DGKD: variants seen among roughly 807,000 people sequenced by gnomAD.
The protein encoded by DGKD is DAG kinase delta.
A neutral mutation model predicts 154.4 loss-of-function variants in DGKD; 68 were observed. That is an observed-to-expected ratio of 0.44 (90% confidence interval 0.36 to 0.54). The LOEUF is 0.54. DGKD is among the 20% of genes least tolerant of loss of function. The pLI, the probability that DGKD is intolerant of heterozygous loss-of-function variation, is 0.00. For synonymous variants in DGKD, 693 were observed against 638.0 expected, an observed-to-expected ratio of 1.09 and a Z score of -1.30; for missense variants, 1,343 against 1,593.6, an observed-to-expected ratio of 0.84 and a Z score of 2.68.
At chr2:233,411,696 T>A (rs1159920451) in intron 3 of DGKD, among the ~76,000 whole-genome samples, 2 of 152,202 alleles carry the variant, frequency 1.3e-5, no homozygotes, top group Non-Finnish European at 2.9e-5. Flanking sequence ...ATCAGTTTTT[T>A]AAATGGCTCA....
chr2:233,405,769 T>C (rs936559606), intron 3 of DGKD, among the ~76,000 whole-genome samples: 5 of 152,212 alleles, frequency 3.3e-5, no homozygotes, highest in Non-Finnish European at 7.3e-5. Context: ...TCTGTGGTAT[T>C]CTGTTACAGC....
Position 233,469,427 on chromosome 2 carries a change from G to T in DGKD, c.3612G>T (p.Glu1204Asp). ...HMKRILCGIK[E>D]LSRSAPAVEA The stretch of plus-strand genomic sequence containing the variant: ...AGAGGATCCTGTGTGGCATCAAGGA[G>T]CTGAGCCGCAGCGCCCCCGCCGTCG... The change falls in exon 30 of 30, where the codon GAG (glutamate) becomes GAT (aspartate). Residue 1204 changes from glutamate to aspartate, a missense_variant. Coordinates refer to ENST00000264057, the MANE Select transcript of DGKD (RefSeq NM_152879.3). The T allele has an allele frequency of 6.2e-7, 1 of 1,608,248 alleles. No homozygotes were observed. Among genetic ancestry groups the T allele is most frequent in the South Asian group, 1.1e-5 (1 of 89,950 alleles).
At chr2:233,380,645 T>C (rs540042446) in intron 1 of DGKD, among the ~76,000 whole-genome samples, 1 of 152,170 alleles carries the variant, frequency 6.6e-6, no homozygotes, top group South Asian at 2.1e-4. Context: ...AGAAACAAGG[T>C]CCTGTGAGCA....
intron 10 of DGKD, among the ~76,000 whole-genome samples, chr2:233,443,775 T>A (rs1179623061): frequency 1.3e-5 from 2 of 152,220 alleles, no homozygotes; most frequent in Non-Finnish European, 2.9e-5. Flanking sequence ...TTTTGTGTAT[T>A]ACTTGCAAGT....
chr2:233,466,974 A>T, intron 27 of DGKD, 112 bp from the exon 28 acceptor site: 1 of 795,346 alleles, frequency 1.3e-6, no homozygotes, highest in South Asian at 1.5e-5. Flanking sequence ...GGTCTTTCCC[A>T]GCTCCCGCTC....
chr2:233,391,631 CA>C (rs1417133433), intron 3 of DGKD, among the ~76,000 whole-genome samples: 2 of 152,074 alleles, frequency 1.3e-5, no homozygotes, highest in South Asian at 4.1e-4. Flanking sequence ...CCCATGTAGA[CA>C]AAAAGTGTGT....
chr2:233,425,146 T>C (rs1416463679), intron 3 of DGKD, among the ~76,000 whole-genome samples: 1 of 152,190 alleles, frequency 6.6e-6, no homozygotes, highest in Non-Finnish European at 1.5e-5. Context: ...TTAAAGCTTT[T>C]TTTTTTAATC....
At chr2:233,468,700 C>A in intron 29 of DGKD, 147 bp downstream of exon 29, 2 of 1,284,420 alleles carry the variant, frequency 1.6e-6, no homozygotes, top group Non-Finnish European at 1.1e-6. Flanking sequence ...GCGGCTGTGG[C>A]CCTCATCTAG....
chr2:233,387,318 TC>T (rs1231956118), intron 1 of DGKD, among the ~76,000 whole-genome samples: 1 of 152,208 alleles, frequency 6.6e-6, no homozygotes, highest in East Asian at 1.9e-4. Flanking sequence ...TTAGGAAGCC[TC>T]CCTCCATTTC....
At chr2:233,364,469 T>C (rs968752365) in intron 1 of DGKD, among the ~76,000 whole-genome samples, 1 of 152,176 alleles carries the variant, frequency 6.6e-6, no homozygotes, top group Non-Finnish European at 1.5e-5. Context: ...AGAATTAAAA[T>C]ACATGACAAC....
chr2:233,373,113 A>G (rs1410187555), intron 1 of DGKD, among the ~76,000 whole-genome samples: 1 of 152,330 alleles, frequency 6.6e-6, no homozygotes, highest in African/African-American at 2.4e-5. Context: ...TGGCTGCACC[A>G]GGTCACAAAG....
chr2:233,370,289 C>T (rs554990360), intron 1 of DGKD, among the ~76,000 whole-genome samples: 14 of 152,266 alleles, frequency 9.2e-5, no homozygotes, highest in African/African-American at 2.4e-4. Context: ...TCTCAGCTCA[C>T]TGCAATCTCT....
At chr2:233,390,330 G>A in intron 2 of DGKD, 73 bp from the exon 3 acceptor site, 2 of 1,108,780 alleles carry the variant, frequency 1.8e-6, no homozygotes, top group Non-Finnish European at 2.7e-6. Flanking sequence ...GGGGTGTGGT[G>A]GGCAGCGCTG....
Position 233,462,755 on chromosome 2 carries a change from A to C in DGKD, c.3186+20A>C. 6.2e-7 allele frequency: 1 copy of C among 1,604,528 alleles called. No individual in the cohort carries two copies. The highest frequency in any genetic ancestry group is 1.3e-5 in the African/African-American group (1 of 74,862). ...GCCCTGGTAAGCTGGTGCCCCAGGG[A>C]CAGCAGGGCTCGGGCTGTGTGTGAA... is the stretch of plus-strand genomic sequence containing the variant. On this transcript the variant is annotated intron_variant, in intron 26 of 29. Coordinates refer to ENST00000264057, the MANE Select transcript of DGKD (RefSeq NM_152879.3).
intron 3 of DGKD, among the ~76,000 whole-genome samples, chr2:233,425,792 T>A (rs2062277621): frequency 6.6e-6 from 1 of 152,246 alleles, no homozygotes. Flanking sequence ...TCTACCAGCC[T>A]TATATTGATC....
At chr2:233,384,473 A>C (rs1703066376) in intron 1 of DGKD, among the ~76,000 whole-genome samples, 1 of 152,120 alleles carries the variant, frequency 6.6e-6, no homozygotes. Context: ...TCTACATCAC[A>C]GACCTGCAGA....
intron 28 of DGKD, among the ~76,000 whole-genome samples, chr2:233,468,160 G>A (rs2063886894): frequency 6.6e-6 from 1 of 151,328 alleles, no homozygotes. Flanking sequence ...GGGTGGTGCT[G>A]TTGGCTGGGT....
chr2:233,374,276 C>T (rs1243279508), intron 1 of DGKD, among the ~76,000 whole-genome samples: 1 of 152,084 alleles, frequency 6.6e-6, no homozygotes, highest in Non-Finnish European at 1.5e-5. Flanking sequence ...ATTACGAACT[C>T]CTGACCTCAA....
chr2:233,355,923 A>G (rs1481822166), intron 1 of DGKD, among the ~76,000 whole-genome samples: 1 of 152,174 alleles, frequency 6.6e-6, no homozygotes, highest in Non-Finnish European at 1.5e-5. Context: ...TCAAGGTTAA[A>G]TGACTTGCCC....
Sources: gnomAD v4.1 joint callset for allele counts (sites outside exome capture counted in the v4.1 genomes callset) on GRCh38, gnomAD v4.1.1 for gene constraint, MANE v1.5 for transcripts, NCBI Gene and HGNC (gene_info 2026-07-23, HGNC 2026-07-21) for gene names.